The following TMTC3 variants were observed in gnomAD, a reference collection of about 807,000 sequenced individuals.
TMTC3 encodes the protein transmembrane O-mannosyltransferase targeting cadherins 3.
TMTC3 carries 52 observed loss-of-function variants against 92.2 expected under a neutral mutation model. The ratio of observed to expected loss-of-function variants is 0.56; its 90% CI spans 0.45 to 0.71. The LOEUF is 0.71. TMTC3 is among the 30% of genes least tolerant of loss of function. The pLI is 0.00. For missense variants in TMTC3, 896 were observed against 1,057.1 expected (o/e 0.85, Z 2.11); for synonymous variants, 339 against 363.3 (o/e 0.93, Z 0.76).
At chr12:88,174,955 A>G (rs1039656406) in intron 9 of TMTC3, among the ~76,000 whole-genome samples, 8 of 152,130 alleles carry the variant, frequency 5.3e-5, no homozygotes, top group Admixed American at 6.6e-5. Flanking sequence ...CCTAAATGCT[A>G]TACAGTTATT....
intron 8 of TMTC3, among the ~76,000 whole-genome samples, chr12:88,173,301 T>C (rs927917817): frequency 6.6e-6 from 1 of 152,004 alleles, no homozygotes; most frequent in African/African-American, 2.4e-5. Flanking sequence ...ACTAAAATTA[T>C]CAAATCAAGC....
At chr12:88,144,644 T>C (rs2040850466) in intron 1 of TMTC3, among the ~76,000 whole-genome samples, 1 of 152,234 alleles carries the variant, frequency 6.6e-6, no homozygotes, top group South Asian at 2.1e-4. Context: ...GTGACAATTG[T>C]AACTAAAAGC....
intron 1 of TMTC3, among the ~76,000 whole-genome samples, chr12:88,146,591 T>TTGTGTGTG (rs147128254): frequency 7.0e-6 from 1 of 143,070 alleles, no homozygotes; most frequent in African/African-American, 2.5e-5. Context: ...ACCTATATAT[T>TTGTGTGTG]TGTGTGTGTG....
intron 9 of TMTC3, among the ~76,000 whole-genome samples, chr12:88,175,496 C>T (rs1320896386): frequency 6.6e-6 from 1 of 152,082 alleles, no homozygotes; most frequent in Admixed American, 6.6e-5. Context: ...TTCCCCATCT[C>T]CCTAAGATCA....
rs1243452153 is a variant in TMTC3, at chr12:88,196,574, A to G, written c.*925A>G. The G allele has an allele frequency of 2.6e-5, 4 of 151,900 alleles. No homozygotes were observed. The highest frequency in any genetic ancestry group is 4.8e-5 in the African/African-American group (2 of 41,416). 9.4% of individuals were successfully genotyped at this position (151,900 alleles called of 1,614,324 possible). A position where few individuals can be genotyped will look rare whatever the true frequency, so the allele number is the denominator to read the frequency against. ...TAATTTTTTTGTTTCCAAAGTCACA[A>G]TTGAATTATTCTTAGATACCTTAAG... On this transcript the variant is annotated 3_prime_UTR_variant, in exon 14 of 14. Coordinates refer to ENST00000266712, the MANE Select transcript of TMTC3 (RefSeq NM_181783.4).
intron 9 of TMTC3, among the ~76,000 whole-genome samples, chr12:88,175,411 G>A (rs1161376136): frequency 6.6e-6 from 1 of 151,954 alleles, no homozygotes; most frequent in African/African-American, 2.4e-5. Context: ...ACTTCCTTTG[G>A]ACTGTTTCTT....
In TMTC3 at chr12:88,190,447, A is replaced by G; in HGVS notation, c.1537-6A>G. 1 of 1,612,362 alleles carries G rather than the reference A, an allele frequency of 6.2e-7. No homozygotes were observed. The highest frequency in any genetic ancestry group is 8.5e-7 in the Non-Finnish European group (1 of 1,179,064). On this transcript the variant is annotated splice_region_variant and splice_polypyrimidine_tract_variant and intron_variant, in intron 11 of 13. Transcript: ENST00000266712. ...AAATCATGAAAATGCCTTTTCTTCT[A>G]AACAGATTATTCCTGGTAAAAAATA...
At chr12:88,187,715 A>G (rs1413609582) in intron 10 of TMTC3, among the ~76,000 whole-genome samples, 2 of 152,202 alleles carry the variant, frequency 1.3e-5, no homozygotes, top group Non-Finnish European at 2.9e-5. Flanking sequence ...AATGCCCAAG[A>G]TATATATGCT....
intron 10 of TMTC3, among the ~76,000 whole-genome samples, chr12:88,185,586 C>G (rs1439910760): frequency 6.6e-6 from 1 of 152,054 alleles, no homozygotes; most frequent in South Asian, 2.1e-4. Flanking sequence ...TTTCATTTCT[C>G]TTAGGTAAAA....
Position 88,195,511 on chromosome 12 carries a change from A to T in TMTC3, c.2607A>T (p.Lys869Asn). 1 of 1,613,590 alleles carries T rather than the reference A, an allele frequency of 6.2e-7. No homozygotes were observed. The highest frequency in any genetic ancestry group is 8.5e-7 in the Non-Finnish European group (1 of 1,179,788). The stretch of plus-strand genomic sequence containing the variant: ...CAAGTGATAATAAAAGTCAGTCTAA[A>T]TCCAACAAACAATTAGGAAAAAATG... The part of the protein sequence containing the change: ...VKTSDNKSQS[K>N]SNKQLGKNGD... The change falls in exon 14 of 14, where the codon AAA becomes AAT. Residue 869 changes from lysine to asparagine, a missense_variant. By Grantham distance (94) the Lys-to-Asn change is moderately conservative. Transcript: ENST00000266712.
rs766733763 is a variant in TMTC3 at position 88,195,212 on chromosome 12, A to G, written c.2308A>G (p.Asn770Asp). The change falls in exon 14 of 14, where the codon AAT (asparagine) becomes GAT (aspartate). Residue 770 changes from asparagine (N) to aspartate (D), a missense_variant. Coordinates refer to ENST00000266712, the MANE Select transcript of TMTC3 (RefSeq NM_181783.4). ...AAGGATTTTGGAGATGGATCCAAGC[A>G]ATGTGCAAGGAAAACACAATCTTTG... ...FERILEMDPSNVQGKHNLCVV... is the reference protein window; with the variant it reads ...FERILEMDPSDVQGKHNLCVV... The G allele has an allele frequency of 2.4e-5, 39 of 1,613,934 alleles. 1 individual carries two copies. The South Asian group carries it at 4.1e-4, about 17-fold the overall frequency.
rs1319414915 is a variant in TMTC3 at position 88,196,454 on chromosome 12, C to A, written c.*805C>A. 2 of 151,768 alleles carry A rather than the reference C, an allele frequency of 1.3e-5. No homozygotes were observed. Among genetic ancestry groups the A allele is most frequent in the African/African-American group, 2.4e-5 (1 of 41,282 alleles). 9.4% of individuals were successfully genotyped at this position (151,768 alleles called of 1,614,324 possible). A position where few individuals can be genotyped will look rare whatever the true frequency, so the allele number is the denominator to read the frequency against. Reference sequence around the variant, plus strand: ...TTATTCATGTTTCTTAGATCGTAGTCATTGAGAAGTCCCAATAACTCTAAA... The same window carrying A: ...TTATTCATGTTTCTTAGATCGTAGTAATTGAGAAGTCCCAATAACTCTAAA... On this transcript the variant is annotated 3_prime_UTR_variant, in exon 14 of 14. Transcript: ENST00000266712.
intron 2 of TMTC3, among the ~76,000 whole-genome samples, chr12:88,149,136 A>G (rs2040911435): frequency 6.6e-6 from 1 of 152,148 alleles, no homozygotes; most frequent in African/African-American, 2.4e-5. Flanking sequence ...CAAATTTTGA[A>G]TCTTTGTCCT....
chr12:88,149,833 T>G (rs1440216824), intron 2 of TMTC3, among the ~76,000 whole-genome samples: 7 of 152,176 alleles, frequency 4.6e-5, no homozygotes, highest in Non-Finnish European at 1.0e-4. Flanking sequence ...AAAAAAAATC[T>G]TTTGATAGTA....
chr12:88,167,964 C>G (rs1053577249), intron 7 of TMTC3, among the ~76,000 whole-genome samples: 1 of 152,168 alleles, frequency 6.6e-6, no homozygotes, highest in Non-Finnish European at 1.5e-5. Flanking sequence ...TGTTAACATT[C>G]TAGATGCACA....
chr12:88,180,317 G>A (rs557745661), intron 10 of TMTC3, among the ~76,000 whole-genome samples: 1 of 152,228 alleles, frequency 6.6e-6, no homozygotes, highest in African/African-American at 2.4e-5. Context: ...GAACCCCACT[G>A]GGGGTATGTT....
At chr12:88,149,325 T>G (rs755498414) in intron 2 of TMTC3, among the ~76,000 whole-genome samples, 36 of 152,200 alleles carry the variant, frequency 2.4e-4, no homozygotes, top group Non-Finnish European at 4.7e-4. Flanking sequence ...TAGAATGGAT[T>G]CTAATTTTAG....
rs749323387 is a variant in TMTC3, at chr12:88,192,735, C to G, written c.1838C>G (p.Pro613Arg). The G allele has an allele frequency of 2.2e-5, 35 of 1,613,278 alleles. No individual in the cohort carries two copies. The highest frequency in any genetic ancestry group is 2.2e-4 in the Admixed American group (13 of 59,960). ...LAIVHIELKE[P>R]NEALKNFNRA... ...ATTGTACATATTGAACTTAAAGAAC[C>G]AAATGAAGCCCTAAAAAACTTTAAT... Residue 613 changes from proline (P) to arginine (R), a missense_variant, in exon 13 of 14, where the codon CCA (proline) becomes CGA (arginine). Physicochemically the swap from Pro to Arg is moderately radical, Grantham distance 103. Transcript: ENST00000266712.
intron 10 of TMTC3, among the ~76,000 whole-genome samples, chr12:88,188,176 A>G (rs1210354896): frequency 6.6e-6 from 1 of 152,224 alleles, no homozygotes; most frequent in African/African-American, 2.4e-5. Flanking sequence ...ATGTTCCATT[A>G]TACTCTCATT....
Sources: allele counts gnomAD v4.1 joint callset (sites outside exome capture counted in the v4.1 genomes callset), GRCh38; gene constraint gnomAD v4.1.1; transcripts MANE v1.5; gene names NCBI Gene and HGNC (gene_info 2026-07-23, HGNC 2026-07-21).